JMJD1C: variants seen among roughly 807,000 people sequenced by gnomAD.
The protein encoded by JMJD1C is jumonji domain-containing protein 1C.
Under a neutral mutation model 245.3 loss-of-function variants are expected in JMJD1C, and 31 were observed. That is an observed-to-expected ratio of 0.13 (90% CI 0.09 to 0.17). The LOEUF (loss-of-function observed/expected upper bound fraction) is 0.17, where lower values mean the gene tolerates loss of function less well. Among genes scored for constraint, JMJD1C ranks in the 10% least tolerant of loss-of-function variants. JMJD1C has a pLI of 1.00. For missense variants in JMJD1C, 2,691 were observed against 3,000.2 expected (o/e 0.90, Z 2.41); for synonymous variants, 1,057 against 1,017.4 (o/e 1.04, Z -0.74).
intron 8 of JMJD1C, among the ~76,000 whole-genome samples, chr10:63,210,639 T>C (rs1203398213): frequency 2.6e-5 from 4 of 152,188 alleles, no homozygotes; most frequent in Non-Finnish European, 4.4e-5. Context: ...GGCTCTCCTG[T>C]GTTCCTCTAG....
rs1002658363 is a variant in JMJD1C at position 63,186,455 on chromosome 10, T to C, written c.6571-72A>G. 2.0e-5 allele frequency: 26 copies of C among 1,270,978 alleles called. No individual in the cohort carries two copies. The African/African-American group carries it at 2.4e-4, about 12-fold the overall frequency. The allele number at this position is 1,270,978 out of a possible 1,614,324, so 78.7% of individuals were successfully genotyped here. A position where few individuals can be genotyped will look rare whatever the true frequency, so the allele number is the denominator to read the frequency against. On this transcript the variant is annotated intron_variant, in intron 18 of 25. Coordinates refer to ENST00000399262, the MANE Select transcript of JMJD1C (RefSeq NM_032776.3). ...CTTTTTTGTTTGTTTGTTTGTTTGT[T>C]TGAGACAGAGTCTTGCTCTCTTACC...
At chr10:63,367,395 C>T (rs894693105) in intron 2 of JMJD1C, among the ~76,000 whole-genome samples, 4 of 151,968 alleles carry the variant, frequency 2.6e-5, no homozygotes, top group Non-Finnish European at 4.4e-5. Flanking sequence ...TACAGGCATG[C>T]GCCACCATGC....
At chr10:63,477,705 G>C (rs989342508) in intron 1 of JMJD1C, among the ~76,000 whole-genome samples, 1 of 151,968 alleles carries the variant, frequency 6.6e-6, no homozygotes, top group South Asian at 2.1e-4. Context: ...ACTGGGATAG[G>C]CAAAAATTTC....
At chr10:63,249,292 G>A (rs1852712912) in intron 3 of JMJD1C, among the ~76,000 whole-genome samples, 1 of 152,102 alleles carries the variant, frequency 6.6e-6, no homozygotes, top group Non-Finnish European at 1.5e-5. Context: ...CTTCAGCCTG[G>A]GTGACACAGT....
intron 2 of JMJD1C, among the ~76,000 whole-genome samples, chr10:63,377,964 T>C (rs899646724): frequency 1.4e-5 from 2 of 147,582 alleles, no homozygotes; most frequent in Non-Finnish European, 3.0e-5. Context: ...CATAAGAAAA[T>C]ATATCAAAAA....
chr10:63,177,656 G>A (rs187792660), intron 23 of JMJD1C, 61 bp downstream of exon 23: 60 of 1,552,026 alleles, frequency 3.9e-5, no homozygotes, highest in African/African-American at 3.4e-4. Flanking sequence ...GTGAAGGTAC[G>A]GCAACAATGA....
At chr10:63,279,585 T>C (rs1320082594) in intron 2 of JMJD1C, among the ~76,000 whole-genome samples, 1 of 152,094 alleles carries the variant, frequency 6.6e-6, no homozygotes, top group Non-Finnish European at 1.5e-5. Context: ...TTTGAGACAG[T>C]GAGACCATCT....
chr10:63,248,188 C>T (rs981864918), intron 3 of JMJD1C, among the ~76,000 whole-genome samples: 2 of 151,838 alleles, frequency 1.3e-5, no homozygotes, highest in Non-Finnish European at 2.9e-5. Context: ...GAAGGCCAGG[C>T]ACGGTGTTTC....
At chr10:63,225,382 G>C (rs901812746) in intron 3 of JMJD1C, among the ~76,000 whole-genome samples, 7 of 152,140 alleles carry the variant, frequency 4.6e-5, no homozygotes, top group Non-Finnish European at 2.9e-5. Context: ...TCTTAAATGA[G>C]GTTTGGGGGT....
At chr10:63,220,346 G>GTGA (rs1848455894) in intron 3 of JMJD1C, among the ~76,000 whole-genome samples, 2 of 152,158 alleles carry the variant, frequency 1.3e-5, no homozygotes, top group African/African-American at 4.8e-5. Flanking sequence ...AAGAACTGAG[G>GTGA]TGAACATTTG....
chr10:63,301,752 G>C, intron 2 of JMJD1C: 1 of 451,772 alleles, frequency 2.2e-6, no homozygotes, highest in Non-Finnish European at 4.4e-6. Flanking sequence ...ACCATGGCAC[G>C]TGTATACATA....
At chr10:63,255,929 T>C (rs923699860) in intron 3 of JMJD1C, among the ~76,000 whole-genome samples, 4 of 152,112 alleles carry the variant, frequency 2.6e-5, no homozygotes, top group Non-Finnish European at 5.9e-5. Context: ...GATTATGCAA[T>C]TAAGAAAAAG....
At chr10:63,278,691 TAGTC>T (rs1329878840) in intron 2 of JMJD1C, among the ~76,000 whole-genome samples, 2 of 151,092 alleles carry the variant, frequency 1.3e-5, no homozygotes, top group Non-Finnish European at 2.9e-5. Context: ...AATACAAAAT[TAGTC>T]AGGCATGGTG....
chr10:63,307,141 TTC>T (rs1938364002), intron 2 of JMJD1C, among the ~76,000 whole-genome samples: 1 of 152,138 alleles, frequency 6.6e-6, no homozygotes. Context: ...CAACAAATAA[TTC>T]TGAGGATTCG....
intron 1 of JMJD1C, among the ~76,000 whole-genome samples, chr10:63,393,544 T>C (rs540057081): frequency 6.6e-6 from 1 of 152,110 alleles, no homozygotes; most frequent in East Asian, 1.9e-4. Context: ...TGGGTATTTA[T>C]CCAAGGAAAA....
intron 3 of JMJD1C, among the ~76,000 whole-genome samples, chr10:63,259,383 T>C (rs1223488022): frequency 6.6e-6 from 1 of 151,928 alleles, no homozygotes; most frequent in Non-Finnish European, 1.5e-5. Context: ...CAATTCCAAA[T>C]GCCATAGGAC....
intron 1 of JMJD1C, among the ~76,000 whole-genome samples, chr10:63,393,302 T>C (rs1194627899): frequency 1.3e-5 from 2 of 151,978 alleles, no homozygotes; most frequent in African/African-American, 4.8e-5. Flanking sequence ...CTCAACAACA[T>C]GAATCATCAG....
chr10:63,290,324 T>G (rs992508027), intron 2 of JMJD1C, among the ~76,000 whole-genome samples: 5 of 152,114 alleles, frequency 3.3e-5, no homozygotes, highest in Non-Finnish European at 7.4e-5. Flanking sequence ...ATTCCAGCAC[T>G]TTGGGAGGGT....
intron 2 of JMJD1C, among the ~76,000 whole-genome samples, chr10:63,292,025 A>G (rs1281563243): frequency 6.6e-6 from 1 of 151,664 alleles, no homozygotes; most frequent in Non-Finnish European, 1.5e-5. Context: ...ATCACAGCTC[A>G]CTACATTATC....
Sources: allele counts gnomAD v4.1 joint callset (sites outside exome capture counted in the v4.1 genomes callset), GRCh38; gene constraint gnomAD v4.1.1; transcripts MANE v1.5; gene names NCBI Gene and HGNC (gene_info 2026-07-23, HGNC 2026-07-21).